Variants in MDGA2 observed in about 807,000 individuals in gnomAD.
MDGA2 encodes MAM domain-containing glycosylphosphatidylinositol anchor protein 2.
In MDGA2, 40 loss-of-function variants were observed where a neutral mutation model predicts 117.8. The ratio of observed to expected loss-of-function variants is 0.34; its 90% CI spans 0.26 to 0.44. The LOEUF (loss-of-function observed/expected upper bound fraction) is 0.44, where lower values mean the gene tolerates loss of function less well. MDGA2 is among the 20% of genes least tolerant of loss of function. The pLI, the probability that MDGA2 is intolerant of heterozygous loss-of-function variation, is 1.00. For synonymous variants in MDGA2, 452 were observed against 439.0 expected, an observed-to-expected ratio of 1.03 and a Z score of -0.37; for missense variants, 1,123 against 1,250.6, an observed-to-expected ratio of 0.90 and a Z score of 1.54.
At chr14:47,411,175 A>G (rs1892364264) in intron 1 of MDGA2, among the ~76,000 whole-genome samples, 1 of 152,196 alleles carries the variant, frequency 6.6e-6, no homozygotes, top group Non-Finnish European at 1.5e-5. Context: ...AGGCAAGATA[A>G]TATGAATTGA....
chr14:47,556,074 A>T (rs541949800), intron 1 of MDGA2, among the ~76,000 whole-genome samples: 7 of 152,118 alleles, frequency 4.6e-5, no homozygotes, highest in Admixed American at 4.6e-4. Flanking sequence ...CAGACACCTG[A>T]CCCCCAGTTC....
chr14:47,023,205 A>AAAAAAAAAAGAAAAAAAAAAAAG (rs750411553), intron 8 of MDGA2, among the ~76,000 whole-genome samples: 16 of 146,432 alleles, frequency 1.1e-4, no homozygotes, highest in African/African-American at 4.1e-4. Context: ...TCGTAAAAAA[A>AAAAAAAAAAGAAAAAAAAAAAAG]AAAAAAAAAA....
chr14:47,072,426 G>A (rs74999763), intron 6 of MDGA2, among the ~76,000 whole-genome samples: 2,168 of 152,280 alleles, frequency 0.014, 23 homozygotes, highest in Admixed American at 0.026. Flanking sequence ...ACACATCTAA[G>A]AGAAACAATG....
At position 47,243,409 on chromosome 14, in the gene MDGA2, C is replaced by G. The variant is rs578211424; in HGVS notation, c.421-25214G>C. Among the ~76,000 whole-genome samples, 45 of 148,732 alleles carry G rather than the reference C, an allele frequency of 3.0e-4. No individual in the cohort carries two copies. In the South Asian group the frequency reaches 6.3e-3, roughly 21 times the overall value. ...CCAGCATTGGCAACCTGCTGGGGTCCCCTTCCACACTGTGGAAGCTTTGTT... is the reference window on the plus strand; with the variant it reads ...CCAGCATTGGCAACCTGCTGGGGTCGCCTTCCACACTGTGGAAGCTTTGTT... On this transcript the variant is annotated intron_variant, in intron 2 of 16. Transcript: ENST00000399232.
intron 5 of MDGA2, among the ~76,000 whole-genome samples, chr14:47,104,572 C>T (rs11850224): frequency 0.79 from 114,486 of 145,492 alleles, 45,071 homozygotes; most frequent in East Asian, 1. Context: ...TATCTCCCTT[C>T]GCTGACTCTC....
At chr14:47,040,097 C>CTAT (rs1889009676) in intron 7 of MDGA2, among the ~76,000 whole-genome samples, 1 of 151,980 alleles carries the variant, frequency 6.6e-6, no homozygotes, top group Non-Finnish European at 1.5e-5. Flanking sequence ...GAAGGGTAGG[C>CTAT]TATACATGCT....
chr14:46,941,426 T>C (rs1884996072), intron 9 of MDGA2, among the ~76,000 whole-genome samples: 1 of 152,194 alleles, frequency 6.6e-6, no homozygotes, highest in Non-Finnish European at 1.5e-5. Flanking sequence ...GGCTGTGGGC[T>C]ATCATCTGTG....
intron 1 of MDGA2, among the ~76,000 whole-genome samples, chr14:47,337,993 C>T (rs1222784871): frequency 6.6e-6 from 1 of 152,026 alleles, no homozygotes; most frequent in Non-Finnish European, 1.5e-5. Flanking sequence ...GCAGTTGCTA[C>T]TACATAGTCT....
At chr14:47,648,976 A>C (rs189676467) in intron 1 of MDGA2, among the ~76,000 whole-genome samples, 1 of 152,284 alleles carries the variant, frequency 6.6e-6, no homozygotes, top group East Asian at 1.9e-4. Context: ...TAACACTTAA[A>C]AATGATGGTT....
At chr14:47,523,690 AG>A (rs1265970020) in intron 1 of MDGA2, among the ~76,000 whole-genome samples, 1 of 152,152 alleles carries the variant, frequency 6.6e-6, no homozygotes, top group Non-Finnish European at 1.5e-5. Flanking sequence ...AGGTGACTCC[AG>A]GCCTGTCTGC....
At chr14:47,537,594 A>C (rs1442995103) in intron 1 of MDGA2, among the ~76,000 whole-genome samples, 7 of 143,726 alleles carry the variant, frequency 4.9e-5, no homozygotes, top group African/African-American at 1.9e-4. Flanking sequence ...AAAAAAAAAA[A>C]AAAAAAAAAA....
At chr14:46,845,214 C>A (rs1250752874) in intron 16 of MDGA2, among the ~76,000 whole-genome samples, 1 of 152,198 alleles carries the variant, frequency 6.6e-6, no homozygotes, top group Non-Finnish European at 1.5e-5. Flanking sequence ...GCACTTCCCC[C>A]TTCTCTCAGC....
At chr14:47,135,699 T>A (rs956706896) in intron 4 of MDGA2, among the ~76,000 whole-genome samples, 21 of 152,174 alleles carry the variant, frequency 1.4e-4, no homozygotes, top group African/African-American at 5.1e-4. Flanking sequence ...CAAAAACCGT[T>A]AGTTTGTCAT....
intron 1 of MDGA2, among the ~76,000 whole-genome samples, chr14:47,416,974 A>G (rs576506973): frequency 3.3e-5 from 5 of 152,324 alleles, no homozygotes; most frequent in African/African-American, 1.2e-4. Context: ...GTAAGCCACC[A>G]TCATCTCAGA....
At chr14:47,226,652 A>C (rs1179007448) in intron 2 of MDGA2, among the ~76,000 whole-genome samples, 2 of 152,156 alleles carry the variant, frequency 1.3e-5, no homozygotes, top group Admixed American at 6.5e-5. Flanking sequence ...AAATGCTTAT[A>C]AATATAAAAT....
intron 1 of MDGA2, chr14:47,343,025 G>A (rs1457325257): frequency 2.1e-5 from 27 of 1,265,788 alleles, no homozygotes; most frequent in Non-Finnish European, 2.7e-5. Flanking sequence ...CACAGAGTGG[G>A]AGAAGCAGGC....
At chr14:47,542,042 AACTG>A (rs1458083995) in intron 1 of MDGA2, among the ~76,000 whole-genome samples, 1 of 152,260 alleles carries the variant, frequency 6.6e-6, no homozygotes, top group Non-Finnish European at 1.5e-5. Flanking sequence ...AAGAAGAAGA[AACTG>A]ACTAATATAG....
chr14:47,326,612 C>CT (rs1833659708), intron 1 of MDGA2, among the ~76,000 whole-genome samples: 1 of 152,064 alleles, frequency 6.6e-6, no homozygotes, highest in East Asian at 1.9e-4. Flanking sequence ...AGTCACTCTC[C>CT]TTTATGTTGT....
intron 1 of MDGA2, among the ~76,000 whole-genome samples, chr14:47,528,963 T>C (rs577136790): frequency 6.6e-6 from 1 of 151,086 alleles, no homozygotes; most frequent in South Asian, 2.1e-4. Context: ...ACATAGATCA[T>C]TACCTCCTAT....
Sources: allele counts gnomAD v4.1 joint callset (sites outside exome capture counted in the v4.1 genomes callset), GRCh38; gene constraint gnomAD v4.1.1; transcripts MANE v1.5; gene names NCBI Gene and HGNC (gene_info 2026-07-23, HGNC 2026-07-21).